Variants in TEDC1 observed in about 807,000 individuals in gnomAD.
The protein encoded by TEDC1 is tubulin epsilon and delta complex 1, also known as tubulin epsilon and delta complex protein 1.
Under a neutral mutation model 59.9 loss-of-function variants are expected in TEDC1, and 54 were observed. That is an observed-to-expected ratio of 0.90 (90% CI 0.72 to 1.13). TEDC1 has a LOEUF of 1.13. TEDC1 is among the 50% of genes most tolerant of loss of function. The pLI, the probability that TEDC1 is intolerant of heterozygous loss-of-function variation, is 0.00. For missense variants in TEDC1, 734 were observed against 683.4 expected (o/e 1.07, Z -0.83); for synonymous variants, 353 against 298.1 (o/e 1.18, Z -1.90).
At chr14:105,496,408 G>C (rs868933654) in intron 6 of TEDC1, 23 of 337,238 alleles carry the variant, frequency 6.8e-5, no homozygotes, top group Non-Finnish European at 8.3e-5. Flanking sequence ...CCTCTGCTCT[G>C]CTCCGCCCCA....
At chr14:105,491,811 A>G in intron 2 of TEDC1, 111 bp downstream of exon 2, 18 of 1,255,672 alleles carry the variant, frequency 1.4e-5, no homozygotes, top group Non-Finnish European at 2.0e-5. Context: ...CCCCCACCCA[A>G]CACTGACCCC....
chr14:105,492,884 C>A, intron 4 of TEDC1, 150 bp downstream of exon 4: 14 of 1,187,512 alleles, frequency 1.2e-5, no homozygotes, highest in Admixed American at 1.1e-4. Flanking sequence ...AGCCTGAGCC[C>A]GTGGTTCCCG....
In TEDC1 at chr14:105,496,047, T is replaced by TG; in HGVS notation, c.856dup (p.Ala286GlyfsTer11). ...ACTGGGCAGCACCCTTGGATCCTGG[T>TG]GGGGCCTCAGCCTGCAGCCTGCTCT... On this transcript the variant is annotated frameshift_variant, in exon 6 of 9. Transcript: ENST00000392523. LOFTEE classifies it high-confidence loss of function. 6.6e-7 allele frequency: 1 copy of TG among 1,522,466 alleles called. No homozygotes were observed. Among genetic ancestry groups the TG allele is most frequent in the Non-Finnish European group, 8.9e-7 (1 of 1,129,724 alleles). 94.3% of individuals were successfully genotyped at this position (1,522,466 alleles called of 1,614,324 possible).
intron 6 of TEDC1, chr14:105,497,024 T>G: frequency 4.7e-6 from 2 of 425,084 alleles, no homozygotes; most frequent in Admixed American, 4.4e-5. Flanking sequence ...TCCCTGACCT[T>G]GTTGGACTGG....
intron 8 of TEDC1, 63 bp from the exon 9 acceptor site, chr14:105,498,554 G>A: frequency 4.8e-6 from 7 of 1,456,830 alleles, no homozygotes; most frequent in Non-Finnish European, 6.4e-6. Context: ...CTCAGGGAAT[G>A]CTCAGGGAGC....
At chr14:105,495,825 A>G in intron 5 of TEDC1, 55 bp from the exon 6 acceptor site, 2 of 1,390,460 alleles carry the variant, frequency 1.4e-6, no homozygotes, top group Non-Finnish European at 2.0e-6. Flanking sequence ...CTCTCCCCGA[A>G]GCTGTGTGCG....
Position 105,492,716 on chromosome 14 carries a change from G to C in TEDC1, c.567G>C (p.Gln189His). The C allele has an allele frequency of 6.5e-7, 1 of 1,543,494 alleles. No homozygotes were observed. The highest frequency in any genetic ancestry group is 8.7e-7 in the Non-Finnish European group (1 of 1,146,870). ...WRQLVSSQQE[Q>H]CALLSKIHLY... ...AGCTGGTGTCCAGTCAGCAGGAGCA[G>C]TGCGCCCTCCTGAGCAAGGTAGAGC... is the stretch of plus-strand genomic sequence containing the variant. The change falls in exon 4 of 9, where the codon CAG (glutamine) becomes CAC (histidine). Residue 189 changes from glutamine (Q) to histidine (H), a missense_variant. Physicochemically the swap from Gln to His is conservative, Grantham distance 24. Coordinates refer to ENST00000392523, the MANE Select transcript of TEDC1 (RefSeq NM_001367178.1).
At position 105,491,362 on chromosome 14, in the gene TEDC1, C is replaced by G. The variant is rs2084202040; in HGVS notation, c.-14C>G. Reference sequence around the variant, plus strand: ...GCGGAGGCGGGCGATCCGAAAGAGGCTGGTGCTGGCTGCATGGGGAGGCGG... The same window carrying G: ...GCGGAGGCGGGCGATCCGAAAGAGGGTGGTGCTGGCTGCATGGGGAGGCGG... On this transcript the variant is annotated 5_prime_UTR_variant, in exon 1 of 9. Transcript: ENST00000392523. The G allele has an allele frequency of 2.1e-6, 3 of 1,439,652 alleles. No individual in the cohort carries two copies. In the Admixed American group the frequency reaches 8.4e-5, roughly 41 times the overall value. The allele number at this position is 1,439,652 out of a possible 1,614,324, so 89.2% of individuals were successfully genotyped here. A position where few individuals can be genotyped will look rare whatever the true frequency, so the allele number is the denominator to read the frequency against.
intron 8 of TEDC1, among the ~76,000 whole-genome samples, 155 bp downstream of exon 8, chr14:105,498,132 C>T (rs1469594263): frequency 6.6e-6 from 1 of 152,210 alleles, no homozygotes; most frequent in Non-Finnish European, 1.5e-5. Context: ...AGCGGGAGGG[C>T]ACCTGGTGAG....
In TEDC1 at chr14:105,497,856, T is replaced by G; in HGVS notation, c.1037T>G (p.Phe346Cys). The change falls in exon 8 of 9, where the codon TTC becomes TGC. Residue 346 changes from phenylalanine (F) to cysteine (C), a missense_variant. Coordinates refer to ENST00000392523, the MANE Select transcript of TEDC1 (RefSeq NM_001367178.1). Reference sequence around the variant, plus strand: ...CCTGCTGCAGCCTCACAGCCCACCTTCCTGCCCTGGGTCCCCGAGCGCGGG... The same window carrying G: ...CCTGCTGCAGCCTCACAGCCCACCTGCCTGCCCTGGGTCCCCGAGCGCGGG... ...EVPAAASQPT[F>C]LPWVPERGGG... 6 of 1,569,598 alleles carry G rather than the reference T, an allele frequency of 3.8e-6. No homozygotes were observed. The highest frequency in any genetic ancestry group is 4.3e-6 in the Non-Finnish European group (5 of 1,157,690).
chr14:105,494,895 G>T (rs1413325124), intron 5 of TEDC1: 1 of 152,074 alleles, frequency 6.6e-6, no homozygotes, highest in Non-Finnish European at 1.5e-5. Flanking sequence ...ATTTGAGACA[G>T]AGTCTCGCTG....
intron 4 of TEDC1, among the ~76,000 whole-genome samples, chr14:105,492,996 C>T (rs1184295694): frequency 3.3e-5 from 5 of 152,202 alleles, no homozygotes; most frequent in South Asian, 2.1e-4. Flanking sequence ...CCTTTCTGTT[C>T]CCAAAAGTTA....
chr14:105,498,864 T>C lies in TEDC1; in HGVS notation c.1406T>C (p.Leu469Pro), dbSNP rs2084408060. 6.2e-7 allele frequency: 1 copy of C among 1,612,184 alleles called. No homozygotes were observed. The highest frequency in any genetic ancestry group is 1.1e-5 in the South Asian group (1 of 90,790). ...EACLEAVLRR[L>P]QGQCRQELAR... is the part of the protein sequence containing the mutation. ...TGCCTGGAGGCGGTGCTACGTCGAC[T>C]ACAGGGACAGTGTCGGCAGGAACTG... The change falls in exon 9 of 9, where the codon CTA (leucine) becomes CCA (proline). Residue 469 changes from leucine (L) to proline (P), a missense_variant. Physicochemically the swap from Leu to Pro is moderately conservative, Grantham distance 98 (BLOSUM62 -3). Coordinates refer to ENST00000392523, the MANE Select transcript of TEDC1 (RefSeq NM_001367178.1).
In TEDC1 at chr14:105,492,639, G is replaced by C. The variant is rs375089933; in HGVS notation, c.490G>C (p.Asp164His). 1 of 1,544,070 alleles carries C rather than the reference G, an allele frequency of 6.5e-7. No individual in the cohort carries two copies. The highest frequency in any genetic ancestry group is 8.7e-7 in the Non-Finnish European group (1 of 1,146,908). Residue 164 changes from aspartate to histidine, a missense_variant, in exon 4 of 9, where the codon GAT (aspartate) becomes CAT (histidine). Coordinates refer to ENST00000392523, the MANE Select transcript of TEDC1 (RefSeq NM_001367178.1). Reference sequence around the variant, plus strand: ...CCACATGGAAGCAGAGGGTCCTGTGGATGTCCGCCATGTGCAGTGGCTGAT... The same window carrying C: ...CCACATGGAAGCAGAGGGTCCTGTGCATGTCCGCCATGTGCAGTGGCTGAT... ...APHMEAEGPV[D>H]VRHVQWLMGK...
Position 105,497,783 on chromosome 14 carries a change from C to A in TEDC1, c.979-15C>A. 6.5e-7 allele frequency: 1 copy of A among 1,529,236 alleles called. No individual in the cohort carries two copies. 94.7% of individuals were successfully genotyped at this position (1,529,236 alleles called of 1,614,324 possible). The stretch of plus-strand genomic sequence containing the variant: ...CCTTGGCTTGGTGCACGCTGTCTCA[C>A]TTGGGTCTCTGTAGGACACGGTCCT... On this transcript the variant is annotated splice_polypyrimidine_tract_variant and intron_variant, in intron 7 of 8. Coordinates refer to ENST00000392523, the MANE Select transcript of TEDC1 (RefSeq NM_001367178.1).
At position 105,498,860 on chromosome 14, in the gene TEDC1, C is replaced by G; in HGVS notation, c.1402C>G (p.Arg468Gly). ...GGCCTGCCTGGAGGCGGTGCTACGT[C>G]GACTACAGGGACAGTGTCGGCAGGA... is the stretch of plus-strand genomic sequence containing the variant. ...QEACLEAVLRRLQGQCRQELA... is the reference protein window; with the variant it reads ...QEACLEAVLRGLQGQCRQELA... Residue 468 changes from arginine to glycine, a missense_variant, in exon 9 of 9, where the codon CGA becomes GGA. Coordinates refer to ENST00000392523, the MANE Select transcript of TEDC1 (RefSeq NM_001367178.1). 6.2e-7 allele frequency: 1 copy of G among 1,611,866 alleles called. No homozygotes were observed. The highest frequency in any genetic ancestry group is 8.5e-7 in the Non-Finnish European group (1 of 1,179,616).
intron 4 of TEDC1, among the ~76,000 whole-genome samples, chr14:105,493,620 T>C (rs1393041432): frequency 6.6e-6 from 1 of 152,092 alleles, no homozygotes; most frequent in African/African-American, 2.4e-5. Flanking sequence ...TGAAATTGCC[T>C]GGCGCCCCCT....
At chr14:105,497,471 G>A (rs1555440682) in intron 7 of TEDC1, 28 bp downstream of exon 7, 5 of 1,538,078 alleles carry the variant, frequency 3.3e-6, no homozygotes, top group South Asian at 1.2e-5. Context: ...TCCCTCTCCC[G>A]GCATCCCTTC....
Position 105,499,074 on chromosome 14 carries a change from G to T in TEDC1, c.*128G>T. 1.9e-6 allele frequency: 2 copies of T among 1,043,660 alleles called. No individual in the cohort carries two copies. The highest frequency in any genetic ancestry group is 1.7e-5 in the South Asian group (1 of 60,118). 64.6% of individuals were successfully genotyped at this position (1,043,660 alleles called of 1,614,324 possible). ...GATGCAGAGCCCACGTCACATGCTC[G>T]CTCCAGGGGTGGGGCTGGGCTGACT... On this transcript the variant is annotated 3_prime_UTR_variant, in exon 9 of 9. Transcript: ENST00000392523.
Sources: gnomAD v4.1 joint callset for allele counts (sites outside exome capture counted in the v4.1 genomes callset) on GRCh38, gnomAD v4.1.1 for gene constraint, MANE v1.5 for transcripts, NCBI Gene and HGNC (gene_info 2026-07-23, HGNC 2026-07-21) for gene names.